TTC6: variants seen among roughly 807,000 people sequenced by gnomAD.
The protein encoded by TTC6 is tetratricopeptide repeat protein 6.
In TTC6, 172 loss-of-function variants were observed where a neutral mutation model predicts 210.4. That is an observed-to-expected ratio of 0.82 (90% confidence interval 0.72 to 0.93). TTC6 has a LOEUF of 0.93. Among genes scored for constraint, TTC6 ranks in the 40% least tolerant of loss-of-function variants. The probability of loss-of-function intolerance (pLI) is 0.00; values close to 1 mark genes in which losing one functional copy is unlikely to be tolerated. For synonymous variants in TTC6, 804 were observed against 819.6 expected (o/e 0.98, Z 0.32); for missense variants, 2,414 against 2,318.1 (o/e 1.04, Z -0.85).
chr14:37,659,584 A>T lies in TTC6; in HGVS notation c.940-20567A>T, dbSNP rs188449538. On this transcript the variant is annotated intron_variant, in intron 1 of 30. Coordinates refer to ENST00000553443, the Ensembl canonical transcript of TTC6. ...CTCTTGTTGCCCAGGCTGGAGTGCA[A>T]TGGCACAATCTTGGCTCACTGCAAC... is the stretch of plus-strand genomic sequence containing the variant. 5.5e-4 allele frequency among the ~76,000 whole-genome samples: 83 copies of T among 151,944 alleles called. No individual in the cohort carries two copies. In the East Asian group the frequency reaches 0.013, roughly 24 times the overall value.
chr14:37,624,608 A>G (rs1412593387), intron 1 of TTC6, among the ~76,000 whole-genome samples: 1 of 152,068 alleles, frequency 6.6e-6, no homozygotes, highest in Non-Finnish European at 1.5e-5. Context: ...TTTTACCAGA[A>G]GTGTTAATTC....
At chr14:37,713,344 C>T (rs1425197817) in intron 5 of TTC6, among the ~76,000 whole-genome samples, 1 of 152,094 alleles carries the variant, frequency 6.6e-6, no homozygotes, top group East Asian at 1.9e-4. Context: ...CGAGTTAAAA[C>T]AACTGTGCCT....
At chr14:37,633,829 T>A (rs61988001) in intron 1 of TTC6, among the ~76,000 whole-genome samples, 29,458 of 152,080 alleles carry the variant, frequency 0.19, 3,238 homozygotes, top group South Asian at 0.26. Flanking sequence ...AGAGGCCTAG[T>A]GGGGAGCCAA....
upstream of TTC6, among the ~76,000 whole-genome samples, chr14:37,617,391 T>C (rs1342577784): frequency 6.6e-6 from 1 of 152,212 alleles, no homozygotes. Context: ...TTATAGTTAT[T>C]GAAATTTCTG....
exon 13 of TTC6, chr14:37,751,164 T>A: frequency 6.5e-7 from 1 of 1,532,262 alleles, no homozygotes; most frequent in Middle Eastern, 1.7e-4. Flanking sequence ...GATATCTATT[T>A]CAGGAGGGGT....
intron 3 of TTC6, among the ~76,000 whole-genome samples, chr14:37,693,121 A>G (rs943518989): frequency 6.6e-6 from 1 of 152,094 alleles, no homozygotes; most frequent in African/African-American, 2.4e-5. Flanking sequence ...TTGTTTGCAG[A>G]TGGTATGATC....
At chr14:37,685,099 G>T (rs1244033410) in intron 3 of TTC6, among the ~76,000 whole-genome samples, 1 of 152,132 alleles carries the variant, frequency 6.6e-6, no homozygotes, top group Non-Finnish European at 1.5e-5. Context: ...AAATAATAGT[G>T]ATTCTGTGAA....
chr14:37,603,844 C>T (rs983193387), intron 1 of TTC6, among the ~76,000 whole-genome samples: 1 of 152,190 alleles, frequency 6.6e-6, no homozygotes, highest in Non-Finnish European at 1.5e-5. Flanking sequence ...CAATGCAATT[C>T]CGGCTTGGAA....
chr14:37,825,622 T>C (rs762697014), intron 27 of TTC6, among the ~76,000 whole-genome samples: 3 of 152,138 alleles, frequency 2.0e-5, no homozygotes, highest in Non-Finnish European at 2.9e-5. Flanking sequence ...CCTTTTTCTT[T>C]CTTTTCCAGT....
At chr14:37,674,640 G>A (rs177907) in intron 1 of TTC6, among the ~76,000 whole-genome samples, 151,662 of 152,262 alleles carry the variant, frequency 1, 75,539 homozygotes, top group Middle Eastern at 1. Context: ...GTGCTCAACC[G>A]CTTTATCATT....
Position 37,808,852 on chromosome 14 carries a change from A to G in TTC6, c.4569+6A>G. 1.4e-6 allele frequency: 2 copies of G among 1,385,920 alleles called. No individual in the cohort carries two copies. The highest frequency in any genetic ancestry group is 2.5e-5 in the East Asian group (1 of 40,392). The allele number at this position is 1,385,920 out of a possible 1,614,324, so 85.9% of individuals were successfully genotyped here. A position where few individuals can be genotyped will look rare whatever the true frequency, so the allele number is the denominator to read the frequency against. ...AGATAAGGGAACTTCAAATGGTAAG[A>G]TGACCATTTTAGTAAACAATGTGTT... is the stretch of plus-strand genomic sequence containing the variant. On this transcript the variant is annotated splice_donor_region_variant and intron_variant, in intron 24 of 30. Coordinates refer to ENST00000553443, the Ensembl canonical transcript of TTC6.
Position 37,807,464 on chromosome 14 carries a change from G to T in TTC6, c.4455+4G>T, listed in dbSNP as rs1030008893. On this transcript the variant is annotated splice_donor_region_variant and intron_variant, in intron 23 of 30. Coordinates refer to ENST00000553443, the Ensembl canonical transcript of TTC6. The stretch of plus-strand genomic sequence containing the variant: ...AGTTCTGAAATACTACAACAAGGTA[G>T]GGCCATTTCCTGCCTGGTTTACCGA... 2.6e-5 allele frequency: 39 copies of T among 1,478,104 alleles called. No homozygotes were observed. The highest frequency in any genetic ancestry group is 6.0e-5 in the Admixed American group (3 of 50,394). 91.6% of individuals were successfully genotyped at this position (1,478,104 alleles called of 1,614,324 possible).
chr14:37,683,052 C>G, intron 3 of TTC6, 88 bp downstream of exon 5: 2 of 1,187,582 alleles, frequency 1.7e-6, no homozygotes, highest in Non-Finnish European at 2.4e-6. Flanking sequence ...CAAGGACCAA[C>G]GTATGGGGCT....
chr14:37,781,929 A>T (rs1462117890), intron 14 of TTC6, among the ~76,000 whole-genome samples: 2 of 152,076 alleles, frequency 1.3e-5, no homozygotes, highest in Non-Finnish European at 2.9e-5. Flanking sequence ...CAAAGATCAG[A>T]TGGTTGTAGG....
At chr14:37,648,188 TAGG>T (rs2095705063) in intron 1 of TTC6, among the ~76,000 whole-genome samples, 1 of 152,196 alleles carries the variant, frequency 6.6e-6, no homozygotes, top group Non-Finnish European at 1.5e-5. Flanking sequence ...GTGGTGATAA[TAGG>T]AGTTCTTGTT....
At chr14:37,701,953 AC>A (rs2095826238) in intron 5 of TTC6, among the ~76,000 whole-genome samples, 1 of 152,198 alleles carries the variant, frequency 6.6e-6, no homozygotes, top group Non-Finnish European at 1.5e-5. Flanking sequence ...GGGATCACAT[AC>A]AAAAGTCATT....
intron 1 of TTC6, among the ~76,000 whole-genome samples, chr14:37,628,908 G>C (rs1302134470): frequency 6.6e-6 from 1 of 152,172 alleles, no homozygotes; most frequent in Non-Finnish European, 1.5e-5. Flanking sequence ...TCAAAGGTCA[G>C]ATGGTTGTAG....
chr14:37,685,239 G>A (rs759674923), intron 3 of TTC6, among the ~76,000 whole-genome samples: 4 of 152,106 alleles, frequency 2.6e-5, no homozygotes, highest in Admixed American at 1.3e-4. Flanking sequence ...ACAGGTATGG[G>A]GATGTCCTGA....
intron 1 of TTC6, among the ~76,000 whole-genome samples, chr14:37,659,941 A>G (rs2095733707): frequency 2.0e-5 from 3 of 152,100 alleles, no homozygotes; most frequent in African/African-American, 4.8e-5. Context: ...CCACTTTTTA[A>G]TAGAGCCGTT....
Sources: allele counts gnomAD v4.1 joint callset (sites outside exome capture counted in the v4.1 genomes callset), GRCh38; gene constraint gnomAD v4.1.1; transcripts MANE v1.5; gene names NCBI Gene and HGNC (gene_info 2026-07-23, HGNC 2026-07-21).